ARHGAP24: variants seen among roughly 807,000 people sequenced by gnomAD.
The protein encoded by ARHGAP24 is rho GTPase-activating protein 24.
Under a neutral mutation model 76.4 loss-of-function variants are expected in ARHGAP24, and 50 were observed. The ratio of observed to expected loss-of-function variants is 0.65; its 90% CI spans 0.52 to 0.83. The LOEUF is 0.83. Among genes scored for constraint, ARHGAP24 ranks in the 40% least tolerant of loss-of-function variants. ARHGAP24 has a pLI of 0.00. For synonymous variants in ARHGAP24, 345 were observed against 323.3 expected (o/e 1.07, Z -0.72); for missense variants, 930 against 914.2 (o/e 1.02, Z -0.22).
intron 8 of ARHGAP24, among the ~76,000 whole-genome samples, chr4:85,987,592 C>T (rs895853498): frequency 6.6e-6 from 1 of 151,946 alleles, no homozygotes; most frequent in Non-Finnish European, 1.5e-5. Flanking sequence ...CAAAATGTAA[C>T]ATGATGAAGA....
intron 5 of ARHGAP24, among the ~76,000 whole-genome samples, chr4:85,971,577 G>A (rs1329220876): frequency 6.6e-6 from 1 of 151,980 alleles, no homozygotes; most frequent in South Asian, 2.1e-4. Flanking sequence ...AGGGTAAGTG[G>A]GCTATGCATC....
intron 3 of ARHGAP24, among the ~76,000 whole-genome samples, chr4:85,750,619 C>T (rs1726225021): frequency 6.6e-6 from 1 of 150,628 alleles, no homozygotes; most frequent in Non-Finnish European, 1.5e-5. Flanking sequence ...CCTCAGCTTC[C>T]CGAGTAGCTG....
At chr4:85,821,322 A>G (rs911792098) in intron 3 of ARHGAP24, among the ~76,000 whole-genome samples, 1 of 152,218 alleles carries the variant, frequency 6.6e-6, no homozygotes, top group East Asian at 1.9e-4. Flanking sequence ...ATTAAACTTG[A>G]AAAAGTTGTC....
chr4:85,628,381 G>C (rs1721043095), intron 2 of ARHGAP24, among the ~76,000 whole-genome samples: 1 of 152,074 alleles, frequency 6.6e-6, no homozygotes, highest in Non-Finnish European at 1.5e-5. Flanking sequence ...TAAATTTGTT[G>C]TCTCAATTTG....
chr4:85,786,074 T>C (rs927602950), intron 3 of ARHGAP24, among the ~76,000 whole-genome samples: 4 of 152,190 alleles, frequency 2.6e-5, no homozygotes, highest in Admixed American at 1.3e-4. Flanking sequence ...TACTTATAAA[T>C]GGAAGTTGCA....
intron 3 of ARHGAP24, among the ~76,000 whole-genome samples, chr4:85,901,726 T>C (rs1734502223): frequency 6.6e-6 from 1 of 152,182 alleles, no homozygotes; most frequent in East Asian, 1.9e-4. Flanking sequence ...GGTAATTTAT[T>C]TGCCATACAG....
intron 3 of ARHGAP24, among the ~76,000 whole-genome samples, chr4:85,885,871 T>C (rs1733539465): frequency 6.6e-6 from 1 of 152,164 alleles, no homozygotes; most frequent in Admixed American, 6.6e-5. Flanking sequence ...TTATTATCTT[T>C]TATAACTATG....
chr4:85,566,418 G>C (rs1469897506), intron 1 of ARHGAP24, among the ~76,000 whole-genome samples: 1 of 152,068 alleles, frequency 6.6e-6, no homozygotes, highest in African/African-American at 2.4e-5. Context: ...GGCAGTTTCA[G>C]GTTCTTTCAA....
chr4:85,948,469 T>C (rs1427808251), intron 5 of ARHGAP24, among the ~76,000 whole-genome samples: 2 of 152,206 alleles, frequency 1.3e-5, no homozygotes, highest in African/African-American at 4.8e-5. Context: ...TTGGTTCTTA[T>C]AGCAGATTTT....
chr4:85,517,195 A>G (rs17010293), intron 1 of ARHGAP24, among the ~76,000 whole-genome samples: 9,848 of 152,236 alleles, frequency 0.065, 951 homozygotes, highest in African/African-American at 0.21. Context: ...TTAAATCTGT[A>G]TATAGGGCAG....
intron 4 of ARHGAP24, among the ~76,000 whole-genome samples, chr4:85,928,158 G>C (rs1270926586): frequency 6.6e-6 from 1 of 152,104 alleles, no homozygotes; most frequent in Non-Finnish European, 1.5e-5. Context: ...CTGCATAAAA[G>C]TCAAATTCAA....
At chr4:85,660,648 T>C (rs558875641) in intron 2 of ARHGAP24, among the ~76,000 whole-genome samples, 59 of 151,928 alleles carry the variant, frequency 3.9e-4, no homozygotes, top group Middle Eastern at 3.4e-3. Flanking sequence ...ATGCAGAAAT[T>C]AGCTGGGCAT....
At chr4:85,550,448 G>T (rs1361549632) in intron 1 of ARHGAP24, among the ~76,000 whole-genome samples, 1 of 152,026 alleles carries the variant, frequency 6.6e-6, no homozygotes. Flanking sequence ...GTTACTGTAG[G>T]CTTGTAGTAT....
intron 2 of ARHGAP24, among the ~76,000 whole-genome samples, chr4:85,627,327 C>T (rs1720995931): frequency 6.6e-6 from 1 of 152,110 alleles, no homozygotes; most frequent in Non-Finnish European, 1.5e-5. Context: ...TTGGAGTTTT[C>T]TAGAGGTCCA....
intron 2 of ARHGAP24, among the ~76,000 whole-genome samples, chr4:85,681,554 T>C (rs952392459): frequency 1.3e-5 from 2 of 152,212 alleles, no homozygotes; most frequent in African/African-American, 4.8e-5. Flanking sequence ...GCATTGAGTT[T>C]TCTGAATGCA....
In ARHGAP24 at chr4:85,796,529, C is replaced by A. The variant is rs74870410; in HGVS notation, c.268+74557C>A. ...ATTGAGAAGTCCAAGGGAAGATCAG[C>A]CTTCAGGCATGGCGTATCAATCTGG... On this transcript the variant is annotated intron_variant, in intron 3 of 9. Transcript: ENST00000395184. Among the ~76,000 whole-genome samples the A allele has an allele frequency of 3.8e-4, 58 of 152,188 alleles. No homozygotes were observed. In the East Asian group the frequency reaches 4.8e-3, roughly 13 times the overall value.
chr4:85,677,039 C>T (rs1443050328), intron 2 of ARHGAP24, among the ~76,000 whole-genome samples: 1 of 151,962 alleles, frequency 6.6e-6, no homozygotes, highest in Non-Finnish European at 1.5e-5. Context: ...GAGCAGAGCA[C>T]TCACACTGGG....
intron 2 of ARHGAP24, among the ~76,000 whole-genome samples, chr4:85,680,100 A>G (rs1468489911): frequency 1.3e-5 from 2 of 152,176 alleles, no homozygotes; most frequent in Non-Finnish European, 2.9e-5. Flanking sequence ...GGAAAAGTGC[A>G]TCATCAACAC....
At chr4:85,768,635 G>A (rs183335903) in intron 3 of ARHGAP24, among the ~76,000 whole-genome samples, 30 of 152,188 alleles carry the variant, frequency 2.0e-4, no homozygotes, top group Admixed American at 7.8e-4. Context: ...AAAATTAGCC[G>A]GGTGTGGTGG....
Sources: gnomAD v4.1 joint callset for allele counts (sites outside exome capture counted in the v4.1 genomes callset) on GRCh38, gnomAD v4.1.1 for gene constraint, MANE v1.5 for transcripts, NCBI Gene and HGNC (gene_info 2026-07-23, HGNC 2026-07-21) for gene names.